MEI4: variants seen among roughly 807,000 people sequenced by gnomAD.
MEI4 encodes meiosis-specific protein MEI4.
A neutral mutation model predicts 31.4 loss-of-function variants in MEI4; 27 were observed. That is an observed-to-expected ratio of 0.86 (90% CI 0.63 to 1.19). The LOEUF is 1.19. Among genes scored for constraint, MEI4 ranks in the 50% most tolerant of loss-of-function variants. MEI4 has a pLI of 0.00. For synonymous variants in MEI4, 122 were observed against 145.4 expected, an observed-to-expected ratio of 0.84 and a Z score of 1.16; for missense variants, 329 against 398.9, an observed-to-expected ratio of 0.82 and a Z score of 1.49.
At chr6:77,883,465 G>A (rs1329626957) in intron 4 of MEI4, among the ~76,000 whole-genome samples, 3 of 151,042 alleles carry the variant, frequency 2.0e-5, no homozygotes, top group Admixed American at 6.6e-5. Flanking sequence ...CTCCCCCCGT[G>A]AGCCTCTGCT....
intron 1 of MEI4, among the ~76,000 whole-genome samples, chr6:77,661,465 A>G (rs1054402300): frequency 1.2e-4 from 18 of 152,040 alleles, no homozygotes; most frequent in African/African-American, 3.6e-4. Context: ...AGACTAAGAG[A>G]TATTTTAGTT....
At chr6:77,709,692 G>A (rs1449672650) in intron 2 of MEI4, among the ~76,000 whole-genome samples, 1 of 151,886 alleles carries the variant, frequency 6.6e-6, no homozygotes, top group Non-Finnish European at 1.5e-5. Context: ...TTCTTTCCTG[G>A]AATTAGTATA....
At chr6:77,740,348 G>C (rs947351112) in intron 2 of MEI4, among the ~76,000 whole-genome samples, 2 of 152,050 alleles carry the variant, frequency 1.3e-5, no homozygotes, top group Non-Finnish European at 1.5e-5. Flanking sequence ...GTGATGAGTT[G>C]GGTCCTCAAT....
intron 1 of MEI4, among the ~76,000 whole-genome samples, chr6:77,667,939 A>G (rs889829247): frequency 3.3e-5 from 5 of 151,192 alleles, no homozygotes; most frequent in Admixed American, 6.6e-5. Flanking sequence ...AATCAGTTGC[A>G]TGACTATAGA....
At chr6:77,809,912 G>T (rs1459889710) in intron 3 of MEI4, among the ~76,000 whole-genome samples, 1 of 152,142 alleles carries the variant, frequency 6.6e-6, no homozygotes, top group Non-Finnish European at 1.5e-5. Context: ...AAGTCTAGCA[G>T]CTCTAGTTGT....
chr6:77,687,759 A>G (rs1301371387), intron 1 of MEI4, among the ~76,000 whole-genome samples: 1 of 152,078 alleles, frequency 6.6e-6, no homozygotes, highest in Non-Finnish European at 1.5e-5. Context: ...AGGGCCATGT[A>G]TGGGGGGATT....
chr6:77,852,349 A>G (rs1268908565), intron 4 of MEI4, among the ~76,000 whole-genome samples: 2 of 152,216 alleles, frequency 1.3e-5, no homozygotes. Flanking sequence ...CATGGCTTAT[A>G]CATAATCAGT....
At chr6:77,890,884 C>T (rs754806887) in intron 4 of MEI4, among the ~76,000 whole-genome samples, 1 of 152,104 alleles carries the variant, frequency 6.6e-6, no homozygotes, top group Non-Finnish European at 1.5e-5. Context: ...TTCCTGCTGC[C>T]GTGTGAATAA....
At chr6:77,690,606 C>A in intron 1 of MEI4, 52 bp from the exon 2 acceptor site, 2 of 801,604 alleles carry the variant, frequency 2.5e-6, no homozygotes, top group Non-Finnish European at 3.4e-6. Context: ...AAATGAAATG[C>A]ACTGCACAAG....
chr6:77,889,808 G>C (rs1044734774), intron 4 of MEI4, among the ~76,000 whole-genome samples: 2 of 152,194 alleles, frequency 1.3e-5, no homozygotes, highest in African/African-American at 2.4e-5. Flanking sequence ...ATAGTGCCCT[G>C]TGTCTCTGCT....
At position 77,881,664 on chromosome 6, in the gene MEI4, CT is replaced by C. The variant is rs200471245; in HGVS notation, c.901-41423del. Among the ~76,000 whole-genome samples, 1,274 of 152,258 alleles carry C rather than the reference CT, an allele frequency of 8.4e-3. 15 individuals are homozygous for C. The highest frequency in any genetic ancestry group is 0.028 in the African/African-American group (1,155 of 41,538). Reference sequence around the variant, plus strand: ...CTCTCCCTTCCTCACACCTTTGATGCTTATGAGCATCTATTTTTTTGGATGG... The same window carrying C: ...CTCTCCCTTCCTCACACCTTTGATGCTATGAGCATCTATTTTTTTGGATGG... On this transcript the variant is annotated intron_variant, in intron 4 of 4. Transcript: ENST00000684080.
At chr6:77,796,973 T>C (rs1769094535) in intron 3 of MEI4, among the ~76,000 whole-genome samples, 1 of 152,148 alleles carries the variant, frequency 6.6e-6, no homozygotes, top group Non-Finnish European at 1.5e-5. Context: ...AACAGGGTGA[T>C]ACTGGCATAA....
intron 4 of MEI4, among the ~76,000 whole-genome samples, chr6:77,881,972 C>T (rs150431464): frequency 6.6e-6 from 1 of 152,320 alleles, no homozygotes; most frequent in African/African-American, 2.4e-5. Context: ...CTGCAGATTA[C>T]AGGCGCAGTT....
Position 77,921,623 on chromosome 6 carries a change from G to A in MEI4, c.901-1466G>A, listed in dbSNP as rs146212541. The stretch of plus-strand genomic sequence containing the variant: ...GATTTTGACATGCCTTCTTCACTAA[G>A]CTTAATGATTTCTAGCTTTTGATTT... On this transcript the variant is annotated intron_variant, in intron 4 of 4. Coordinates refer to ENST00000684080, the MANE Select transcript of MEI4 (RefSeq NM_001322247.2). Among the ~76,000 whole-genome samples, 1,211 of 151,926 alleles carry A rather than the reference G, an allele frequency of 8.0e-3. 19 individuals are homozygous for A. Among genetic ancestry groups the A allele is most frequent in the African/African-American group, 0.028 (1,160 of 41,490 alleles).
rs1766855718 is a variant in MEI4, at chr6:77,926,846, C to T, written c.*3500C>T. The T allele has an allele frequency of 6.6e-6, 1 of 151,770 alleles. No homozygotes were observed. The highest frequency in any genetic ancestry group is 2.1e-4 in the South Asian group (1 of 4,812). The allele number at this position is 151,770 out of a possible 1,614,324, so 9.4% of individuals were successfully genotyped here. ...AATATTTGCTGAAGGAGATAATTAA[C>T]TTGTTAATGTTTATCTAATATTGAA... On this transcript the variant is annotated 3_prime_UTR_variant, in exon 5 of 5. Transcript: ENST00000684080.
intron 3 of MEI4, among the ~76,000 whole-genome samples, chr6:77,799,713 G>A (rs1247852240): frequency 6.6e-6 from 1 of 152,178 alleles, no homozygotes; most frequent in East Asian, 1.9e-4. Context: ...TCTACATATG[G>A]CTAGCCAGTT....
chr6:77,877,913 C>T (rs1771383474), intron 4 of MEI4, among the ~76,000 whole-genome samples: 1 of 151,854 alleles, frequency 6.6e-6, no homozygotes, highest in Non-Finnish European at 1.5e-5. Flanking sequence ...ATTCTGAAAA[C>T]TGCATTGGTA....
At chr6:77,756,949 A>T (rs1363255822) in intron 2 of MEI4, among the ~76,000 whole-genome samples, 1 of 152,206 alleles carries the variant, frequency 6.6e-6, no homozygotes, top group Non-Finnish European at 1.5e-5. Flanking sequence ...AGGAACTCAT[A>T]AACAAGTGGA....
At chr6:77,911,491 C>T (rs1362728421) in intron 4 of MEI4, among the ~76,000 whole-genome samples, 1 of 151,730 alleles carries the variant, frequency 6.6e-6, no homozygotes, top group Non-Finnish European at 1.5e-5. Flanking sequence ...TCCCTGGTGT[C>T]TATTTTTCCC....
Sources: allele counts gnomAD v4.1 joint callset (sites outside exome capture counted in the v4.1 genomes callset), GRCh38; gene constraint gnomAD v4.1.1; transcripts MANE v1.5; gene names NCBI Gene and HGNC (gene_info 2026-07-23, HGNC 2026-07-21).